Variants in CELSR3 observed in about 807,000 individuals in gnomAD.
CELSR3 encodes cadherin EGF LAG seven-pass G-type receptor 3, also known as EGF-like protein 1.
Under a neutral mutation model 270.0 loss-of-function variants are expected in CELSR3, and 73 were observed. That is an observed-to-expected ratio of 0.27 (90% confidence interval 0.22 to 0.33). CELSR3 has a LOEUF of 0.33. Ranked by LOEUF, CELSR3 falls within the 10% of genes least tolerant of loss-of-function variation. The pLI is 1.00. For missense variants in CELSR3, 3,614 were observed against 4,533.8 expected, an observed-to-expected ratio of 0.80 and a Z score of 5.83; for synonymous variants, 1,780 against 1,905.4, an observed-to-expected ratio of 0.93 and a Z score of 1.71.
chr3:48,653,485 C>A lies in CELSR3; in HGVS notation c.5448+134G>T. On this transcript the variant is annotated intron_variant, in intron 9 of 34. Transcript: ENST00000164024. This position sits in a 1 kb window ranked among gnomAD's most constrained non-coding sequence, Gnocchi z 6.5. The stretch of plus-strand genomic sequence containing the variant: ...GGAAAGAGAATCAAGGGCTAGGGTC[C>A]AGAGCAGGGTCAAGTGTGGTTGGGA... 1 of 1,045,102 alleles carries A rather than the reference C, an allele frequency of 9.6e-7. No homozygotes were observed. Among genetic ancestry groups the A allele is most frequent in the Non-Finnish European group, 1.4e-6 (1 of 701,184 alleles). The allele number at this position is 1,045,102 out of a possible 1,614,324, so 64.7% of individuals were successfully genotyped here. A position where few individuals can be genotyped will look rare whatever the true frequency, so the allele number is the denominator to read the frequency against.
rs1349195056 is a variant in CELSR3, at chr3:48,636,519, A to G, written c.*1686T>C. 6.6e-6 allele frequency: 1 copy of G among 152,204 alleles called. No individual in the cohort carries two copies. The highest frequency in any genetic ancestry group is 1.5e-5 in the Non-Finnish European group (1 of 68,052). The allele number at this position is 152,204 out of a possible 1,614,324, so 9.4% of individuals were successfully genotyped here. On this transcript the variant is annotated 3_prime_UTR_variant, in exon 35 of 35. Coordinates refer to ENST00000164024, the MANE Select transcript of CELSR3 (RefSeq NM_001407.3). The stretch of plus-strand genomic sequence containing the variant: ...AGCGCGGCTTCACGGAACAATTTAC[A>G]CAGACAGGAAAGAGGGCCGCTGGGC...
In CELSR3 at chr3:48,656,858, G is replaced by A. The variant is rs1021153261; in HGVS notation, c.4239C>T (p.Ile1413=). The A allele has an allele frequency of 2.5e-6, 4 of 1,609,572 alleles. No individual in the cohort carries two copies. Among genetic ancestry groups the A allele is most frequent in the African/African-American group, 2.7e-5 (2 of 74,874 alleles). The change falls in exon 2 of 35, where the codon ATC becomes ATT. Residue 1413 remains isoleucine (I), a synonymous_variant. Coordinates refer to ENST00000164024, the MANE Select transcript of CELSR3 (RefSeq NM_001407.3). The part of the protein sequence containing the change: ...LASASTLFRP[I]QPIAGLRCRC... ...GGCAGCGCAGGCCAGCGATGGGCTG[G>A]ATGGGTCGGAACAGCGTGGAGGCCG...
Position 48,655,240 on chromosome 3 carries a change from A to G in CELSR3, c.4831-39T>C. On this transcript the variant is annotated intron_variant, in intron 5 of 34. Transcript: ENST00000164024. The surrounding 1 kb of genome is among the most constrained non-coding windows in gnomAD (Gnocchi z 5.8). ...CACACCAGTCAACAGTGCCCCCAGTAACCCCTGAGGAGCAGAAGTCAGCAT... is the reference window on the plus strand; with the variant it reads ...CACACCAGTCAACAGTGCCCCCAGTGACCCCTGAGGAGCAGAAGTCAGCAT... 6.2e-7 allele frequency: 1 copy of G among 1,613,950 alleles called. No individual in the cohort carries two copies. The highest frequency in any genetic ancestry group is 8.5e-7 in the Non-Finnish European group (1 of 1,179,912).
In CELSR3 at chr3:48,646,119, C is replaced by T. The variant is rs145824585; in HGVS notation, c.7434G>A (p.Ala2478=). 156 of 1,612,778 alleles carry T rather than the reference C, an allele frequency of 9.7e-5. No homozygotes were observed. The highest frequency in any genetic ancestry group is 1.2e-4 in the Non-Finnish European group (146 of 1,179,904). The part of the protein sequence containing the change: ...RLLQTANRSK[A]ICVQWDPPGL... ...CAGGTGGGTCCCACTGCACACAGAT[C>T]GCCTTGCTCCGATTCGCTGTCTGTA... Residue 2478 remains alanine (A), a synonymous_variant, in exon 22 of 35, where the codon GCG becomes GCA. Transcript: ENST00000164024. The surrounding 1 kb of genome is among the most constrained non-coding windows in gnomAD (Gnocchi z 4.8).
Position 48,655,902 on chromosome 3 carries a change from A to T in CELSR3, c.4626-51T>A. On this transcript the variant is annotated intron_variant, in intron 3 of 34. Transcript: ENST00000164024. This position sits in a 1 kb window ranked among gnomAD's most constrained non-coding sequence, Gnocchi z 5.8. Reference sequence around the variant, plus strand: ...GGGGTGGGAGCGTCAGGAGCAGGGTACCACTTCACACCCACCATCCCTGCG... The same window carrying T: ...GGGGTGGGAGCGTCAGGAGCAGGGTTCCACTTCACACCCACCATCCCTGCG... 1 of 1,350,812 alleles carries T rather than the reference A, an allele frequency of 7.4e-7. No individual in the cohort carries two copies. Among genetic ancestry groups the T allele is most frequent in the Non-Finnish European group, 1.0e-6 (1 of 964,778 alleles). 83.7% of individuals were successfully genotyped at this position (1,350,812 alleles called of 1,614,324 possible).
At position 48,660,419 on chromosome 3, in the gene CELSR3, G is replaced by C. The variant is rs765652400; in HGVS notation, c.2216C>G (p.Ser739Ter). ...RDHGSPPLSA[S>*]ASVTVTVLDV... Reference sequence around the variant, plus strand: ...CAGCACAGTCACGGTGACACTGGCTGAGGCAGAGAGTGGGGGTGAGCCATG... The same window carrying C: ...CAGCACAGTCACGGTGACACTGGCTCAGGCAGAGAGTGGGGGTGAGCCATG... Residue 739 changes from serine to a stop codon, truncating the protein, a stop_gained, in exon 1 of 35, where the codon TCA (serine) becomes TGA (stop). Coordinates refer to ENST00000164024, the MANE Select transcript of CELSR3 (RefSeq NM_001407.3). LOFTEE classifies it high-confidence loss of function. The surrounding 1 kb of genome is among the most constrained non-coding windows in gnomAD (Gnocchi z 5.5). 1 of 1,614,144 alleles carries C rather than the reference G, an allele frequency of 6.2e-7. No individual in the cohort carries two copies.
Position 48,651,226 on chromosome 3 carries a change from T to C in CELSR3, c.6186+133A>G. 1.3e-6 allele frequency: 2 copies of C among 1,496,306 alleles called. No homozygotes were observed. Among genetic ancestry groups the C allele is most frequent in the Admixed American group, 1.8e-5 (1 of 56,356 alleles). The allele number at this position is 1,496,306 out of a possible 1,614,324, so 92.7% of individuals were successfully genotyped here. On this transcript the variant is annotated intron_variant, in intron 14 of 34. Coordinates refer to ENST00000164024, the MANE Select transcript of CELSR3 (RefSeq NM_001407.3). This position sits in a 1 kb window ranked among gnomAD's most constrained non-coding sequence, Gnocchi z 7.4. ...CAAGGGAGGGGTCACGGGTAAAGGA[T>C]GAGAGACAGCAACTTGGTCACAGGA...
chr3:48,647,691 AAATATGG>A, intron 20 of CELSR3, 143 bp downstream of exon 20: 3 of 568,944 alleles, frequency 5.3e-6, no homozygotes, highest in African/African-American at 3.3e-5. Context: ...GGTGGAGGGG[AAATATGG>A]GAGGGAGGGT....
Position 48,654,337 on chromosome 3 carries a change from G to A in CELSR3, c.5104C>T (p.Arg1702Cys), listed in dbSNP as rs748377931. The A allele has an allele frequency of 9.9e-6, 16 of 1,614,048 alleles. No individual in the cohort carries two copies. The highest frequency in any genetic ancestry group is 1.1e-5 in the South Asian group (1 of 91,070). Residue 1702 changes from arginine (R) to cysteine (C), a missense_variant, in exon 7 of 35, where the codon CGC (arginine) becomes TGC (cysteine). This residue lies in a region of CELSR3 where 1,331 missense variants were observed against 1,933.7 expected (regional missense o/e 0.69). Coordinates refer to ENST00000164024, the MANE Select transcript of CELSR3 (RefSeq NM_001407.3). The surrounding 1 kb of genome is among the most constrained non-coding windows in gnomAD (Gnocchi z 5.4). Reference protein sequence around the residue: ...GCMRDLHIDGRRVDMAAFVAN... With the variant: ...GCMRDLHIDGCRVDMAAFVAN... Reference sequence around the variant, plus strand: ...ACAAAAGCCGCCATGTCCACTCGGCGGCCATCAATGTGCAGGTCCCGCATA... The same window carrying A: ...ACAAAAGCCGCCATGTCCACTCGGCAGCCATCAATGTGCAGGTCCCGCATA...
chr3:48,661,018 G>A lies in CELSR3; in HGVS notation c.1617C>T (p.Asn539=). The change falls in exon 1 of 35, where the codon AAC becomes AAT. Residue 539 remains asparagine, a synonymous_variant. Transcript: ENST00000164024. ...TCTCGCTGAACTGAGGAGCATTGTCGTTCTCGTCTAGCACAGTTATGTGTA... is the reference window on the plus strand; with the variant it reads ...TCTCGCTGAACTGAGGAGCATTGTCATTCTCGTCTAGCACAGTTATGTGTA... ...VRVHITVLDE[N]DNAPQFSEKR... The A allele has an allele frequency of 6.2e-7, 1 of 1,613,868 alleles. No individual in the cohort carries two copies. Among genetic ancestry groups the A allele is most frequent in the Non-Finnish European group, 8.5e-7 (1 of 1,180,046 alleles).
rs539141585 is a variant in CELSR3 at position 48,661,774 on chromosome 3, G to A, written c.861C>T (p.Leu287=). ...GGGGACGCGGCCCGGGGCGCTGCGG[G>A]AGGAAGCGGCAGCGGAAGAGACCCC... ...RSRGLFRCRF[L]PQRPGPRPPG... Residue 287 remains leucine (L), a synonymous_variant, in exon 1 of 35, where the codon CTC becomes CTT. Transcript: ENST00000164024. The A allele has an allele frequency of 3.2e-5, 51 of 1,601,124 alleles. No homozygotes were observed. The highest frequency in any genetic ancestry group is 5.1e-5 in the Admixed American group (3 of 58,392).
chr3:48,662,696 C>G lies in CELSR3; in HGVS notation c.-62G>C, dbSNP rs2077078885. 3.9e-6 allele frequency: 3 copies of G among 773,308 alleles called. No individual in the cohort carries two copies. Among genetic ancestry groups the G allele is most frequent in the East Asian group, 3.5e-5 (1 of 28,680 alleles). The allele number at this position is 773,308 out of a possible 1,614,324, so 47.9% of individuals were successfully genotyped here. On this transcript the variant is annotated 5_prime_UTR_variant, in exon 1 of 35. Transcript: ENST00000164024. This position sits in a 1 kb window ranked among gnomAD's most constrained non-coding sequence, Gnocchi z 7.1. ...CCCGGTCCGGGCCTTGGGCTGGCCC[C>G]GCCGCTCGGGCCCCCTCCCGGGCCC...
In CELSR3 at chr3:48,651,332, G is replaced by A. The variant is rs765626400; in HGVS notation, c.6186+27C>T. On this transcript the variant is annotated intron_variant, in intron 14 of 34. Transcript: ENST00000164024. This position sits in a 1 kb window ranked among gnomAD's most constrained non-coding sequence, Gnocchi z 7.4. ...GAATTGCAGATTGCGTCCAAGGAAG[G>A]GTTAAAAGGTCAGGGGCCAGGCGCA... The A allele has an allele frequency of 5.0e-6, 8 of 1,613,278 alleles. 1 individual carries two copies. Among genetic ancestry groups the A allele is most frequent in the South Asian group, 3.3e-5 (3 of 91,040 alleles).
Position 48,648,003 on chromosome 3 carries a change from A to G in CELSR3, c.6974-7T>C, listed in dbSNP as rs1449490124. 1.2e-6 allele frequency: 2 copies of G among 1,611,522 alleles called. No individual in the cohort carries two copies. Among genetic ancestry groups the G allele is most frequent in the African/African-American group, 2.7e-5 (2 of 74,934 alleles). ...ATGCGGTCAATGCTGAGCACTACCC[A>G]GGAGAAAGAAAGGGGAGGCCCATCA... is the stretch of plus-strand genomic sequence containing the variant. On this transcript the variant is annotated splice_polypyrimidine_tract_variant and splice_region_variant and intron_variant, in intron 19 of 34. Transcript: ENST00000164024.
At chr3:48,648,186 C>G in intron 19 of CELSR3, 80 bp downstream of exon 19, 1 of 1,500,414 alleles carries the variant, frequency 6.7e-7, no homozygotes, top group Non-Finnish European at 9.1e-7. Context: ...GCATTGATAG[C>G]CACAGCCCCT....
In CELSR3 at chr3:48,651,708, G is replaced by A. The variant is rs149302326; in HGVS notation, c.5934C>T (p.Gly1978=). 186 of 1,551,864 alleles carry A rather than the reference G, an allele frequency of 1.2e-4. No individual in the cohort carries two copies. Among genetic ancestry groups the A allele is most frequent in the Non-Finnish European group, 1.6e-4 (182 of 1,153,618 alleles). ...GGAGGCAGGCATCCACACAGCCTGG[G>A]CCGTAGTAACCTGCAGATTGGGTCA... ...FSCTCQPGYY[G]PGCVDACLLN... The change falls in exon 13 of 35, where the codon GGC becomes GGT. Residue 1978 remains glycine (G), a synonymous_variant. Coordinates refer to ENST00000164024, the MANE Select transcript of CELSR3 (RefSeq NM_001407.3). This position sits in a 1 kb window ranked among gnomAD's most constrained non-coding sequence, Gnocchi z 7.4.
chr3:48,649,233 C>T lies in CELSR3; in HGVS notation c.6473-18G>A, dbSNP rs557831341. ...AGCAGCACCTGGAGGCAGGCAACCC[C>T]TGGTCAGGCCTGGGGCCTGGATACC... On this transcript the variant is annotated intron_variant, in intron 16 of 34. Coordinates refer to ENST00000164024, the MANE Select transcript of CELSR3 (RefSeq NM_001407.3). 8.8e-6 allele frequency: 14 copies of T among 1,594,028 alleles called. No individual in the cohort carries two copies. The East Asian group carries it at 2.9e-4, about 33-fold the overall frequency.
chr3:48,655,911 CACCCACCATCCCTGCGAGG>C lies in CELSR3; in HGVS notation c.4626-79_4626-61del, dbSNP rs2047176536. The C allele has an allele frequency of 7.5e-7, 1 of 1,338,398 alleles. No individual in the cohort carries two copies. The highest frequency in any genetic ancestry group is 1.0e-6 in the Non-Finnish European group (1 of 954,866). The allele number at this position is 1,338,398 out of a possible 1,614,324, so 82.9% of individuals were successfully genotyped here. A position where few individuals can be genotyped will look rare whatever the true frequency, so the allele number is the denominator to read the frequency against. ...GCGTCAGGAGCAGGGTACCACTTCA[CACCCACCATCCCTGCGAGG>C]AGAAGGGGCTGGGGCGAGAGAGGAA... On this transcript the variant is annotated intron_variant, in intron 3 of 34. Transcript: ENST00000164024. This position sits in a 1 kb window ranked among gnomAD's most constrained non-coding sequence, Gnocchi z 5.8.
rs767492075 is a variant in CELSR3, at chr3:48,641,480, C to G, written c.8869G>C (p.Glu2957Gln). Residue 2957 changes from glutamate (E) to glutamine (Q), a missense_variant, in exon 33 of 35, where the codon GAG becomes CAG. Physicochemically the swap from Glu to Gln is conservative, Grantham distance 29. Around this residue, in one of 7 missense-constraint regions of CELSR3, gnomAD observed 1,240 missense variants for 1,351.7 expected, o/e 0.92. Coordinates refer to ENST00000164024, the MANE Select transcript of CELSR3 (RefSeq NM_001407.3). The surrounding 1 kb of genome is among the most constrained non-coding windows in gnomAD (Gnocchi z 4.8). ...DLLSYWPALG[E>Q]CEAAPCALQT... Reference sequence around the variant, plus strand: ...AGAGCACAGGGGGCTGCCTCGCACTCCCCCAGGGCTGGCCAGTAGGACAGG... The same window carrying G: ...AGAGCACAGGGGGCTGCCTCGCACTGCCCCAGGGCTGGCCAGTAGGACAGG... 3.1e-6 allele frequency: 5 copies of G among 1,612,228 alleles called. No individual in the cohort carries two copies. In the African/African-American group the frequency reaches 6.7e-5, roughly 22 times the overall value.
Sources: allele counts gnomAD v4.1 joint callset, GRCh38; gene constraint gnomAD v4.1.1; regional missense constraint gnomAD v4.1.1; non-coding constraint Gnocchi (gnomAD v3.1); transcripts MANE v1.5; gene names NCBI Gene and HGNC (gene_info 2026-07-23, HGNC 2026-07-21).